The following NPTN variants were observed in gnomAD, a reference collection of about 807,000 sequenced individuals.
NPTN encodes neuroplastin.
A neutral mutation model predicts 42.7 loss-of-function variants in NPTN; 5 were observed. The ratio of observed to expected loss-of-function variants is 0.12; its 90% CI spans 0.06 to 0.25. The LOEUF (loss-of-function observed/expected upper bound fraction) is 0.25, where lower values mean the gene tolerates loss of function less well. Among genes scored for constraint, NPTN ranks in the 10% least tolerant of loss-of-function variants. The probability of loss-of-function intolerance (pLI) is 1.00; values close to 1 mark genes in which losing one functional copy is unlikely to be tolerated. For synonymous variants in NPTN, 180 were observed against 201.9 expected, an observed-to-expected ratio of 0.89 and a Z score of 0.92; for missense variants, 307 against 525.4, an observed-to-expected ratio of 0.58 and a Z score of 4.06.
intron 1 of NPTN, among the ~76,000 whole-genome samples, chr15:73,598,107 G>C (rs1256052309): frequency 1.3e-5 from 2 of 152,156 alleles, no homozygotes; most frequent in African/African-American, 4.8e-5. Flanking sequence ...TCACACCACA[G>C]TGAGATATTA....
intron 1 of NPTN, among the ~76,000 whole-genome samples, chr15:73,605,209 A>C: frequency 6.6e-6 from 1 of 151,862 alleles, no homozygotes; most frequent in East Asian, 1.9e-4. Flanking sequence ...TCCATGAAGG[A>C]GGGGGATGTC....
rs1566966561 is a variant in NPTN at position 73,581,327 on chromosome 15, A to G, written c.706+6197T>C. Among the ~76,000 whole-genome samples, 3 of 152,192 alleles carry G rather than the reference A, an allele frequency of 2.0e-5. No homozygotes were observed. The South Asian group carries it at 6.2e-4, about 32-fold the overall frequency. ...GTCTAACTAAGCCTTCATATCCTGA[A>G]GGAGACAGAGACAATACTCTGTGCT... is the stretch of plus-strand genomic sequence containing the variant. On this transcript the variant is annotated intron_variant, in intron 4 of 8. Coordinates refer to ENST00000345330, the MANE Select transcript of NPTN (RefSeq NM_012428.4).
intron 4 of NPTN, among the ~76,000 whole-genome samples, chr15:73,577,093 T>C (rs1397094805): frequency 6.6e-6 from 1 of 152,256 alleles, no homozygotes; most frequent in Non-Finnish European, 1.5e-5. Context: ...TTGGGAATTG[T>C]ACTCCTCATC....
chr15:73,607,484 T>C (rs1017545946), intron 1 of NPTN, among the ~76,000 whole-genome samples: 1 of 152,200 alleles, frequency 6.6e-6, no homozygotes, highest in South Asian at 2.1e-4. Context: ...TCCAAGCTGA[T>C]AGTCTAAGTA....
intron 2 of NPTN, among the ~76,000 whole-genome samples, 187 bp downstream of exon 2, chr15:73,596,835 A>C (rs1321491317): frequency 1.3e-5 from 2 of 152,178 alleles, no homozygotes; most frequent in Non-Finnish European, 2.9e-5. Flanking sequence ...CAAAGAAAAG[A>C]AGAAAAAAAG....
chr15:73,610,633 A>C (rs1285457239), intron 1 of NPTN, among the ~76,000 whole-genome samples: 1 of 152,208 alleles, frequency 6.6e-6, no homozygotes, highest in African/African-American at 2.4e-5. Flanking sequence ...GAGTACTGAA[A>C]AGAAACAAAG....
At position 73,598,695 on chromosome 15, in the gene NPTN, A is replaced by G. The variant is rs1351957241; in HGVS notation, c.92-1326T>C. ...CCTGGGAGGCCTGCTGCATAAGCCA[A>G]GCCAGCCCCTGTGCAGTAAGCAGGG... On this transcript the variant is annotated intron_variant, in intron 1 of 8. Coordinates refer to ENST00000345330, the MANE Select transcript of NPTN (RefSeq NM_012428.4). Among the ~76,000 whole-genome samples, 7 of 152,328 alleles carry G rather than the reference A, an allele frequency of 4.6e-5. No homozygotes were observed. The East Asian group carries it at 9.6e-4, about 21-fold the overall frequency.
chr15:73,629,829 T>G (rs1179741373), intron 1 of NPTN, among the ~76,000 whole-genome samples: 1 of 151,674 alleles, frequency 6.6e-6, no homozygotes, highest in African/African-American at 2.4e-5. Flanking sequence ...CTTGAAAGAT[T>G]TGGTTCACAG....
chr15:73,631,463 C>G (rs1438272541), intron 1 of NPTN, among the ~76,000 whole-genome samples: 1 of 152,176 alleles, frequency 6.6e-6, no homozygotes, highest in Non-Finnish European at 1.5e-5. Context: ...ATGAAGCACA[C>G]ATAAAATTTG....
At chr15:73,633,087 T>A in intron 1 of NPTN, 38 bp downstream of exon 1, 37 of 1,329,536 alleles carry the variant, frequency 2.8e-5, no homozygotes, top group Non-Finnish European at 3.1e-5. Flanking sequence ...CCGGCGCCCC[T>A]CAACCCCCGC....
Position 73,568,375 on chromosome 15 carries a change from A to G in NPTN, c.1114+1775T>C, listed in dbSNP as rs528985894. 41 of 985,342 alleles carry G rather than the reference A, an allele frequency of 4.2e-5. No homozygotes were observed. In the African/African-American group the frequency reaches 6.8e-4, roughly 16 times the overall value. 61.0% of individuals were successfully genotyped at this position (985,342 alleles called of 1,614,324 possible). On this transcript the variant is annotated intron_variant, in intron 6 of 8. Coordinates refer to ENST00000345330, the MANE Select transcript of NPTN (RefSeq NM_012428.4). ...TCTTACCTGACTTTTTAGCTTCTCA[A>G]CCTTTCCAAAAGGCAGGCTGAGGAA...
chr15:73,579,277 CA>C (rs112811114), intron 4 of NPTN, among the ~76,000 whole-genome samples: 64,528 of 115,712 alleles, frequency 0.56, 14,214 homozygotes, highest in Admixed American at 0.59. Flanking sequence ...GACTCCGTCT[CA>C]AAAAAAAAAA....
chr15:73,568,721 C>A (rs538100471), intron 6 of NPTN: 265 of 985,548 alleles, frequency 2.7e-4, no homozygotes, highest in Non-Finnish European at 3.1e-4. Flanking sequence ...CAGAGGCCGT[C>A]TGCTCCCAGC....
chr15:73,580,359 A>G (rs1264109075), intron 4 of NPTN, among the ~76,000 whole-genome samples: 3 of 147,066 alleles, frequency 2.0e-5, no homozygotes, highest in African/African-American at 7.6e-5. Flanking sequence ...CGTTCTGTAC[A>G]TATATCTCAG....
chr15:73,619,768 G>T (rs957903113), intron 1 of NPTN, among the ~76,000 whole-genome samples: 4 of 152,162 alleles, frequency 2.6e-5, no homozygotes, highest in Admixed American at 2.6e-4. Context: ...CTATATTAAA[G>T]ATTTCAAATT....
At chr15:73,632,891 G>C (rs919372097) in intron 1 of NPTN, 3 of 397,172 alleles carry the variant, frequency 7.6e-6, no homozygotes, top group African/African-American at 2.1e-5. Context: ...CCTCCGAGTG[G>C]GCAACACCTC....
chr15:73,561,638 C>A (rs1386077244), intron 8 of NPTN, among the ~76,000 whole-genome samples: 3 of 152,310 alleles, frequency 2.0e-5, no homozygotes, highest in Middle Eastern at 6.8e-3. Context: ...CGAGATCACA[C>A]CACTGCACTC....
intron 3 of NPTN, among the ~76,000 whole-genome samples, chr15:73,588,890 A>T (rs1045943334): frequency 2.0e-5 from 3 of 152,252 alleles, no homozygotes; most frequent in Non-Finnish European, 4.4e-5. Context: ...TATTCAGCAT[A>T]CTATCCCATA....
intron 1 of NPTN, among the ~76,000 whole-genome samples, chr15:73,601,233 T>C (rs78594071): frequency 6.6e-6 from 1 of 152,082 alleles, no homozygotes; most frequent in Admixed American, 6.6e-5. Context: ...TCCAATAAAC[T>C]GTGCTGCCTC....
Sources: gnomAD v4.1 joint callset for allele counts (sites outside exome capture counted in the v4.1 genomes callset) on GRCh38, gnomAD v4.1.1 for gene constraint, MANE v1.5 for transcripts, NCBI Gene and HGNC (gene_info 2026-07-23, HGNC 2026-07-21) for gene names.